The following RGS22 variants were observed in gnomAD, a reference collection of about 807,000 sequenced individuals.
The protein encoded by RGS22 is regulator of G protein signaling 22.
A neutral mutation model predicts 172.9 loss-of-function variants in RGS22; 148 were observed. The observed-to-expected ratio is 0.86, with a 90% confidence interval of 0.75 to 0.98. The LOEUF (loss-of-function observed/expected upper bound fraction) is 0.98, where lower values mean the gene tolerates loss of function less well. RGS22 is among the 50% of genes least tolerant of loss of function. The probability of loss-of-function intolerance (pLI) is 0.00; values close to 1 mark genes in which losing one functional copy is unlikely to be tolerated. For missense variants in RGS22, 1,347 were observed against 1,440.8 expected, an observed-to-expected ratio of 0.93 and a Z score of 1.05; for synonymous variants, 458 against 480.2, an observed-to-expected ratio of 0.95 and a Z score of 0.60.
At chr8:100,050,563 GA>G (rs1821170801) in intron 10 of RGS22, among the ~76,000 whole-genome samples, 1 of 152,176 alleles carries the variant, frequency 6.6e-6, no homozygotes, top group Admixed American at 6.5e-5. Flanking sequence ...ATCTTTCCAA[GA>G]GGTTGTATGT....
intron 3 of RGS22, 136 bp downstream of exon 3, chr8:100,093,311 T>C (rs1055854048): frequency 1.8e-6 from 1 of 556,652 alleles, no homozygotes; most frequent in Non-Finnish European, 3.2e-6. Context: ...TGTAAAAAGA[T>C]AAAACCTTTA....
chr8:100,012,915 T>A (rs1399157791), intron 14 of RGS22, among the ~76,000 whole-genome samples: 4 of 151,970 alleles, frequency 2.6e-5, no homozygotes, highest in African/African-American at 9.7e-5. Context: ...CAAATTCTCA[T>A]ATGTTGAGCA....
chr8:99,967,949 A>C (rs1214589536), intron 23 of RGS22, among the ~76,000 whole-genome samples: 1 of 152,232 alleles, frequency 6.6e-6, no homozygotes, highest in Non-Finnish European at 1.5e-5. Context: ...GACACCTCCC[A>C]GCAGGGGTCG....
intron 4 of RGS22, among the ~76,000 whole-genome samples, chr8:100,072,979 G>A (rs117743610): frequency 6.6e-4 from 100 of 152,302 alleles, no homozygotes; most frequent in Non-Finnish European, 8.1e-4. Context: ...ATAACATTAA[G>A]GAGTATAGAT....
At chr8:99,977,780 A>G in intron 23 of RGS22, 137 bp downstream of exon 23, 1 of 648,096 alleles carries the variant, frequency 1.5e-6, no homozygotes, top group Non-Finnish European at 2.5e-6. Flanking sequence ...GAAGCTTCTG[A>G]CTGAAGGCTT....
At chr8:100,023,936 A>T (rs1183640540) in intron 14 of RGS22, 1 of 152,624 alleles carries the variant, frequency 6.6e-6, no homozygotes, top group African/African-American at 2.4e-5. Context: ...TGCTGCTCCA[A>T]TACAATTTAT....
chr8:100,060,180 A>C (rs1225393479), intron 9 of RGS22, among the ~76,000 whole-genome samples: 1 of 151,984 alleles, frequency 6.6e-6, no homozygotes, highest in Non-Finnish European at 1.5e-5. Context: ...CCTTGCTTCA[A>C]GTCCCTCAAG....
intron 2 of RGS22, among the ~76,000 whole-genome samples, chr8:100,099,810 C>T (rs1281670040): frequency 6.6e-6 from 1 of 152,170 alleles, no homozygotes; most frequent in Non-Finnish European, 1.5e-5. Context: ...ACACTTCTGG[C>T]CCCTAGCTCT....
At chr8:100,032,501 A>G (rs1276440946) in intron 14 of RGS22, among the ~76,000 whole-genome samples, 1 of 152,196 alleles carries the variant, frequency 6.6e-6, no homozygotes, top group Admixed American at 6.5e-5. Flanking sequence ...ATACAGGAGC[A>G]CCCAGATTCA....
chr8:100,071,119 C>T (rs1810938075), intron 6 of RGS22, among the ~76,000 whole-genome samples: 1 of 151,548 alleles, frequency 6.6e-6, no homozygotes, highest in South Asian at 2.1e-4. Context: ...CCCGTCTCTA[C>T]AAAAAATGCA....
At chr8:100,047,971 G>C (rs890615524) in intron 10 of RGS22, among the ~76,000 whole-genome samples, 2 of 147,096 alleles carry the variant, frequency 1.4e-5, no homozygotes, top group Non-Finnish European at 3.0e-5. Flanking sequence ...CTGGGGGGGG[G>C]TGCGGGTGTC....
chr8:100,069,582 A>C (rs1016803841), intron 6 of RGS22, among the ~76,000 whole-genome samples: 35 of 152,260 alleles, frequency 2.3e-4, no homozygotes, highest in African/African-American at 8.2e-4. Flanking sequence ...AACACATTTT[A>C]CTACTAAGGA....
At chr8:99,973,086 C>A (rs1300265159) in intron 23 of RGS22, among the ~76,000 whole-genome samples, 1 of 151,938 alleles carries the variant, frequency 6.6e-6, no homozygotes, top group Non-Finnish European at 1.5e-5. Flanking sequence ...TTAGTTCAAC[C>A]ATTGTGGAAG....
intron 15 of RGS22, among the ~76,000 whole-genome samples, chr8:100,008,168 G>A (rs1232715414): frequency 6.6e-6 from 1 of 151,792 alleles, no homozygotes; most frequent in Non-Finnish European, 1.5e-5. Flanking sequence ...CTCCCAAGTA[G>A]CTGGGATTAC....
intron 2 of RGS22, 103 bp from the exon 3 acceptor site, chr8:100,093,612 T>C: frequency 1.3e-6 from 1 of 764,880 alleles, no homozygotes; most frequent in Non-Finnish European, 2.2e-6. Context: ...ACATAGATCT[T>C]CAAATCTCTT....
chr8:100,099,045 A>G (rs779101973), intron 2 of RGS22, among the ~76,000 whole-genome samples: 4 of 151,918 alleles, frequency 2.6e-5, no homozygotes, highest in Non-Finnish European at 5.9e-5. Flanking sequence ...CCTCCTGAGT[A>G]GCTGGGACTA....
intron 18 of RGS22, among the ~76,000 whole-genome samples, chr8:100,001,202 TTATATATA>T (rs140189906): frequency 1.6e-5 from 2 of 124,780 alleles, no homozygotes; most frequent in Non-Finnish European, 3.3e-5. Context: ...TCCCAATTTT[TTATATATA>T]TATATATATA....
Position 100,041,842 on chromosome 8 carries a change from G to A in RGS22, c.1898C>T (p.Pro633Leu). The A allele has an allele frequency of 6.2e-7, 1 of 1,613,078 alleles. No homozygotes were observed. The change falls in exon 12 of 28, where the codon CCC becomes CTC. Residue 633 changes from proline (P) to leucine (L), a missense_variant. Coordinates refer to ENST00000360863, the MANE Select transcript of RGS22 (RefSeq NM_015668.5). Reference sequence around the variant, plus strand: ...ATAAGCGTATCTTCTATCCAGCTGGGGCTTGAGACATTCAGAAATGTCAGT... The same window carrying A: ...ATAAGCGTATCTTCTATCCAGCTGGAGCTTGAGACATTCAGAAATGTCAGT... ...SFTDISECLK[P>L]QLDRRYAYTE...
At position 100,013,582 on chromosome 8, in the gene RGS22, T is replaced by C. The variant is rs75665623; in HGVS notation, c.2167-5013A>G. On this transcript the variant is annotated intron_variant, in intron 14 of 27. Coordinates refer to ENST00000360863, the MANE Select transcript of RGS22 (RefSeq NM_015668.5). ...GAAGCTAAGTTTCTGTATATGATTG[T>C]ATCCAATTGCCTTGGGCTTTTTACC... is the stretch of plus-strand genomic sequence containing the variant. Among the ~76,000 whole-genome samples the C allele has an allele frequency of 2.4e-4, 36 of 152,334 alleles. No homozygotes were observed. The East Asian group carries it at 6.8e-3, about 29-fold the overall frequency.
Sources: allele counts gnomAD v4.1 joint callset (sites outside exome capture counted in the v4.1 genomes callset), GRCh38; gene constraint gnomAD v4.1.1; transcripts MANE v1.5; gene names NCBI Gene and HGNC (gene_info 2026-07-23, HGNC 2026-07-21).